Variants in ZFPM2 observed in about 807,000 individuals in gnomAD.
ZFPM2 encodes the protein zinc finger protein, FOG family member 2.
In ZFPM2, 20 loss-of-function variants were observed where a neutral mutation model predicts 98.6. The ratio of observed to expected loss-of-function variants is 0.20; its 90% CI spans 0.14 to 0.29. ZFPM2 has a LOEUF of 0.29. ZFPM2 is among the 10% of genes least tolerant of loss of function. The pLI, the probability that ZFPM2 is intolerant of heterozygous loss-of-function variation, is 1.00. For synonymous variants in ZFPM2, 518 were observed against 502.7 expected (o/e 1.03, Z -0.41); for missense variants, 1,310 against 1,388.6 (o/e 0.94, Z 0.90).
chr8:105,669,537 T>TGC (rs778831187), intron 5 of ZFPM2, among the ~76,000 whole-genome samples: 1 of 76,972 alleles, frequency 1.3e-5, no homozygotes, highest in African/African-American at 3.9e-5. Context: ...AAAGTGTGCA[T>TGC]GTGTGTGTGT....
chr8:105,341,378 A>G (rs1490207048), intron 1 of ZFPM2, among the ~76,000 whole-genome samples: 24 of 151,940 alleles, frequency 1.6e-4, no homozygotes, highest in Non-Finnish European at 1.5e-5. Context: ...TTTCTATCAC[A>G]AAATATTGCA....
intron 5 of ZFPM2, among the ~76,000 whole-genome samples, chr8:105,736,392 A>T (rs1463753454): frequency 2.0e-5 from 3 of 152,026 alleles, no homozygotes; most frequent in African/African-American, 7.2e-5. Context: ...AATTTGCTAT[A>T]TCAACTCCAG....
chr8:105,444,684 T>C (rs1437856142), intron 3 of ZFPM2, among the ~76,000 whole-genome samples: 1 of 152,118 alleles, frequency 6.6e-6, no homozygotes, highest in Non-Finnish European at 1.5e-5. Flanking sequence ...CAAATTTAAA[T>C]TGGGCACACT....
At chr8:105,587,383 C>T (rs549500733) in intron 4 of ZFPM2, among the ~76,000 whole-genome samples, 3 of 150,088 alleles carry the variant, frequency 2.0e-5, no homozygotes, top group East Asian at 4.0e-4. Context: ...CTAAAATAAA[C>T]GACTGCTTCT....
intron 5 of ZFPM2, among the ~76,000 whole-genome samples, chr8:105,760,464 T>G (rs1812709372): frequency 6.6e-6 from 1 of 152,108 alleles, no homozygotes; most frequent in Non-Finnish European, 1.5e-5. Context: ...TTTCATAATA[T>G]TTAATTAACA....
At chr8:105,711,493 C>T (rs1811396393) in intron 5 of ZFPM2, among the ~76,000 whole-genome samples, 1 of 152,048 alleles carries the variant, frequency 6.6e-6, no homozygotes, top group Non-Finnish European at 1.5e-5. Flanking sequence ...TAGGTTTTGT[C>T]ACCTGGCTCA....
chr8:105,761,878 A>G (rs1586245537), intron 5 of ZFPM2, among the ~76,000 whole-genome samples: 1 of 152,034 alleles, frequency 6.6e-6, no homozygotes. Flanking sequence ...TAGAAACTCA[A>G]TATATTAGCA....
At chr8:105,347,827 ATAT>A (rs1156347805) in intron 1 of ZFPM2, among the ~76,000 whole-genome samples, 3 of 152,266 alleles carry the variant, frequency 2.0e-5, no homozygotes, top group Admixed American at 2.0e-4. Context: ...TTAGAGAAAC[ATAT>A]TATAGCCGTT....
chr8:105,729,748 A>G (rs1373566693), intron 5 of ZFPM2, among the ~76,000 whole-genome samples: 2 of 151,608 alleles, frequency 1.3e-5, no homozygotes, highest in Admixed American at 6.6e-5. Context: ...TTATTAGGCA[A>G]CCTCATTTCC....
intron 3 of ZFPM2, among the ~76,000 whole-genome samples, chr8:105,535,270 A>G (rs1274607257): frequency 6.6e-6 from 1 of 152,154 alleles, no homozygotes; most frequent in Non-Finnish European, 1.5e-5. Context: ...ATACAGAACC[A>G]CAGTTGGGGT....
At chr8:105,520,248 T>G (rs1563696646) in intron 3 of ZFPM2, among the ~76,000 whole-genome samples, 2 of 151,728 alleles carry the variant, frequency 1.3e-5, no homozygotes, top group Non-Finnish European at 2.9e-5. Flanking sequence ...AAAAGTGAGA[T>G]AGAAAAATTT....
intron 4 of ZFPM2, among the ~76,000 whole-genome samples, chr8:105,633,018 A>G (rs566699174): frequency 5.3e-5 from 8 of 152,160 alleles, no homozygotes; most frequent in Non-Finnish European, 1.0e-4. Flanking sequence ...GTCAGCATTC[A>G]TTTTATGCAT....
intron 5 of ZFPM2, among the ~76,000 whole-genome samples, chr8:105,679,398 G>A (rs1297563218): frequency 6.6e-6 from 1 of 152,092 alleles, no homozygotes. Flanking sequence ...GCCCCTGTAA[G>A]CATTTGAGTT....
chr8:105,390,773 C>T (rs1162244898), intron 1 of ZFPM2, among the ~76,000 whole-genome samples: 1 of 151,992 alleles, frequency 6.6e-6, no homozygotes, highest in East Asian at 1.9e-4. Context: ...GGAATTATAC[C>T]AGGGAGGAGT....
intron 4 of ZFPM2, among the ~76,000 whole-genome samples, chr8:105,615,800 G>A (rs1816402598): frequency 6.6e-6 from 1 of 151,994 alleles, no homozygotes; most frequent in Non-Finnish European, 1.5e-5. Context: ...TTTGACAAAG[G>A]TAATCTAACC....
chr8:105,738,011 A>T (rs186869179), intron 5 of ZFPM2, among the ~76,000 whole-genome samples: 2 of 152,026 alleles, frequency 1.3e-5, no homozygotes, highest in Admixed American at 1.3e-4. Flanking sequence ...AGTTTTTTTG[A>T]TAGTTTTTTT....
intron 3 of ZFPM2, among the ~76,000 whole-genome samples, chr8:105,532,851 C>A (rs2130588787): frequency 7.3e-6 from 1 of 136,136 alleles, no homozygotes; most frequent in South Asian, 2.4e-4. Flanking sequence ...GAGAGATCAG[C>A]AGTGGCATTA....
At chr8:105,350,983 G>A (rs2129710455) in intron 1 of ZFPM2, among the ~76,000 whole-genome samples, 1 of 151,944 alleles carries the variant, frequency 6.6e-6, no homozygotes, top group South Asian at 2.1e-4. Context: ...AGGAGTTCGA[G>A]ACCAGCCTGG....
intron 4 of ZFPM2, among the ~76,000 whole-genome samples, chr8:105,628,019 T>C (rs1438117350): frequency 6.6e-6 from 1 of 152,220 alleles, no homozygotes; most frequent in African/African-American, 2.4e-5. Flanking sequence ...TGCTTTTTTG[T>C]GTGTTTTATT....
Sources: gnomAD v4.1 joint callset for allele counts (sites outside exome capture counted in the v4.1 genomes callset) on GRCh38, gnomAD v4.1.1 for gene constraint, MANE v1.5 for transcripts, NCBI Gene and HGNC (gene_info 2026-07-23, HGNC 2026-07-21) for gene names.